BCAS3: variants seen among roughly 807,000 people sequenced by gnomAD.
BCAS3 encodes the protein BCAS3 microtubule associated cell migration factor.
BCAS3 carries 53 observed loss-of-function variants against 116.1 expected under a neutral mutation model. The ratio of observed to expected loss-of-function variants is 0.46; its 90% CI spans 0.37 to 0.57. The LOEUF (loss-of-function observed/expected upper bound fraction) is 0.57. Among genes scored for constraint, BCAS3 ranks in the 20% least tolerant of loss-of-function variants. BCAS3 has a pLI of 0.00. For synonymous variants in BCAS3, 391 were observed against 408.2 expected (o/e 0.96, Z 0.51); for missense variants, 917 against 1,165.4 (o/e 0.79, Z 3.10).
In BCAS3 at chr17:61,098,762, A is replaced by G. The variant is rs952320457; in HGVS notation, c.2425+14198A>G. ...ATTTCTTTGCCAAATGAAAACGGTA[A>G]AAGTGGAAGCATGAAACACCTTAAC... On this transcript the variant is annotated intron_variant, in intron 22 of 23. Coordinates refer to ENST00000407086, the MANE Select transcript of BCAS3 (RefSeq NM_017679.5). This position sits in a 1 kb window ranked among gnomAD's most constrained non-coding sequence, Gnocchi z 4.2. 6.6e-6 allele frequency among the ~76,000 whole-genome samples: 1 copy of G among 152,176 alleles called. No homozygotes were observed. Among genetic ancestry groups the G allele is most frequent in the Admixed American group, 6.5e-5 (1 of 15,284 alleles).
At chr17:61,190,526 C>CAAAAAAAA (rs71148387) in intron 22 of BCAS3, among the ~76,000 whole-genome samples, 1 of 43,896 alleles carries the variant, frequency 2.3e-5, no homozygotes, top group Non-Finnish European at 3.5e-5. Flanking sequence ...GACTCCATCT[C>CAAAAAAAA]AAAAAAAAAA....
rs2066503587 is a variant in BCAS3 at position 61,029,827 on chromosome 17, C to T, written c.1638-4839C>T. On this transcript the variant is annotated intron_variant, in intron 16 of 23. Transcript: ENST00000407086. The surrounding 1 kb of genome is among the most constrained non-coding windows in gnomAD (Gnocchi z 5.2). ...TCAAGCTATAAACAGTTCATGTAAA[C>T]TAATCTTGTTCTCTTAAATATTTTA... Among the ~76,000 whole-genome samples the T allele has an allele frequency of 6.6e-6, 1 of 151,846 alleles. No individual in the cohort carries two copies. Among genetic ancestry groups the T allele is most frequent in the African/African-American group, 2.4e-5 (1 of 41,372 alleles).
intron 6 of BCAS3, among the ~76,000 whole-genome samples, chr17:60,783,139 G>C (rs2045974582): frequency 6.6e-6 from 1 of 152,104 alleles, no homozygotes; most frequent in Non-Finnish European, 1.5e-5. Flanking sequence ...CCTAAACTAT[G>C]GACTTTGGGT....
intron 12 of BCAS3, among the ~76,000 whole-genome samples, chr17:60,920,773 G>A (rs2059030342): frequency 6.6e-6 from 1 of 152,050 alleles, no homozygotes; most frequent in Non-Finnish European, 1.5e-5. Flanking sequence ...GGGAGGCTGA[G>A]GCAGGAGAAT....
chr17:61,089,327 TAG>T (rs2073337357), intron 22 of BCAS3, among the ~76,000 whole-genome samples: 1 of 151,988 alleles, frequency 6.6e-6, no homozygotes, highest in Non-Finnish European at 1.5e-5. Context: ...TACTCATTAA[TAG>T]AGAAGTGTGA....
At chr17:61,311,851 G>C (rs953987310) in intron 22 of BCAS3, among the ~76,000 whole-genome samples, 8 of 152,172 alleles carry the variant, frequency 5.3e-5, no homozygotes, top group African/African-American at 1.9e-4. Context: ...TTGAGATCAC[G>C]CTACTGCACT....
rs61340991 is a variant in BCAS3 at position 60,910,480 on chromosome 17, G to A, written c.823-52G>A. ...AAATTAATAAAATGCGTATTTCTAT[G>A]TAGAATCCAAATACTGATGTGAAGT... On this transcript the variant is annotated intron_variant, in intron 11 of 23. Transcript: ENST00000407086. 24,980 of 1,387,958 alleles carry A rather than the reference G, an allele frequency of 0.018. 3,613 individuals carry two copies. In the African/African-American group the frequency reaches 0.32, roughly 18 times the overall value. 86.0% of individuals were successfully genotyped at this position (1,387,958 alleles called of 1,614,324 possible).
chr17:61,157,219 A>G (rs919350199), intron 22 of BCAS3, among the ~76,000 whole-genome samples: 11 of 152,202 alleles, frequency 7.2e-5, no homozygotes, highest in Admixed American at 2.6e-4. Flanking sequence ...CAATAATTTT[A>G]TTCATTTTGG....
chr17:61,262,854 G>A (rs186084495), intron 22 of BCAS3, among the ~76,000 whole-genome samples: 15 of 151,572 alleles, frequency 9.9e-5, no homozygotes, highest in Admixed American at 9.2e-4. Flanking sequence ...CGCCACCCCC[G>A]GCTAATTTTG....
intron 4 of BCAS3, among the ~76,000 whole-genome samples, chr17:60,691,718 C>G (rs2034849549): frequency 6.7e-6 from 1 of 148,630 alleles, no homozygotes; most frequent in African/African-American, 2.5e-5. Context: ...AAATATGAAG[C>G]CTTTTTTTTT....
chr17:61,039,710 CGCGCCGGCCCA>C (rs568019375), intron 18 of BCAS3, among the ~76,000 whole-genome samples: 50 of 152,184 alleles, frequency 3.3e-4, no homozygotes, highest in Middle Eastern at 3.2e-3. Flanking sequence ...CGTGAGCCAC[CGCGCCGGCCCA>C]TGAACATATT....
chr17:61,271,445 G>GTTTTTT (rs1568719526), intron 22 of BCAS3, among the ~76,000 whole-genome samples: 2 of 1,326 alleles, frequency 1.5e-3, no homozygotes, highest in African/African-American at 2.6e-3. Flanking sequence ...TTTGTCTTAG[G>GTTTTTT]TGGAGTCTCG....
Position 61,104,974 on chromosome 17 carries a change from G to T in BCAS3, c.2425+20410G>T, listed in dbSNP as rs2074549397. Among the ~76,000 whole-genome samples the T allele has an allele frequency of 6.6e-6, 1 of 152,114 alleles. No individual in the cohort carries two copies. Among genetic ancestry groups the T allele is most frequent in the South Asian group, 2.1e-4 (1 of 4,810 alleles). On this transcript the variant is annotated intron_variant, in intron 22 of 23. Transcript: ENST00000407086. The surrounding 1 kb of genome is among the most constrained non-coding windows in gnomAD (Gnocchi z 4.1). ...AGCTGAGAGTAGGAAAACTCATGAG[G>T]CTTTTTCTCATCACAAGCTGTGTAA...
intron 22 of BCAS3, among the ~76,000 whole-genome samples, chr17:61,230,942 C>T (rs1450772996): frequency 6.7e-6 from 1 of 150,228 alleles, no homozygotes; most frequent in Non-Finnish European, 1.5e-5. Flanking sequence ...GCAGCCTCGC[C>T]AGCAGCTAGT....
intron 22 of BCAS3, among the ~76,000 whole-genome samples, chr17:61,294,923 T>C (rs2052751879): frequency 6.6e-6 from 1 of 152,194 alleles, no homozygotes; most frequent in Admixed American, 6.5e-5. Flanking sequence ...GCCTTCAGTA[T>C]GACAGGTCAG....
chr17:60,813,284 G>T (rs1283864495), intron 7 of BCAS3, among the ~76,000 whole-genome samples: 1 of 145,830 alleles, frequency 6.9e-6, no homozygotes, highest in Non-Finnish European at 1.5e-5. Context: ...ATTTTCAGAG[G>T]TAACAAAGAT....
intron 22 of BCAS3, among the ~76,000 whole-genome samples, chr17:61,091,393 AG>A (rs1049901957): frequency 4.8e-4 from 73 of 152,214 alleles, no homozygotes; most frequent in Non-Finnish European, 7.9e-4. Flanking sequence ...CTATGGTGGC[AG>A]GGGGACAGAG....
At chr17:60,809,128 A>G (rs1442813862) in intron 7 of BCAS3, among the ~76,000 whole-genome samples, 1 of 152,100 alleles carries the variant, frequency 6.6e-6, no homozygotes, top group Non-Finnish European at 1.5e-5. Context: ...TACTAAAAAT[A>G]CAAAAATTAG....
chr17:60,953,360 T>C (rs1235857748), intron 14 of BCAS3, among the ~76,000 whole-genome samples: 1 of 152,128 alleles, frequency 6.6e-6, no homozygotes, highest in Non-Finnish European at 1.5e-5. Flanking sequence ...TCTAATGACA[T>C]TCTTTTGAAA....
Sources: gnomAD v4.1 joint callset for allele counts (sites outside exome capture counted in the v4.1 genomes callset) on GRCh38, gnomAD v4.1.1 for gene constraint, Gnocchi (gnomAD v3.1) non-coding constraint, MANE v1.5 for transcripts, NCBI Gene and HGNC (gene_info 2026-07-23, HGNC 2026-07-21) for gene names.